The following LAMA2 variants were observed in gnomAD, a reference collection of about 807,000 sequenced individuals.
The protein encoded by LAMA2 is laminin subunit alpha 2, also known as laminin subunit alpha-2.
LAMA2 carries 269 observed loss-of-function variants against 364.8 expected under a neutral mutation model. The observed-to-expected ratio is 0.74, with a 90% confidence interval of 0.67 to 0.82. The LOEUF is 0.82. LAMA2 is among the 40% of genes least tolerant of loss of function. The probability of loss-of-function intolerance (pLI) is 0.00; values close to 1 mark genes in which losing one functional copy is unlikely to be tolerated. For missense variants in LAMA2, 3,807 were observed against 3,873.2 expected (o/e 0.98, Z 0.45); for synonymous variants, 1,379 against 1,370.6 (o/e 1.01, Z -0.14).
intron 40 of LAMA2, among the ~76,000 whole-genome samples, chr6:129,416,307 C>G (rs1780787209): frequency 1.3e-5 from 2 of 152,192 alleles, no homozygotes. Flanking sequence ...ACCAATCTCC[C>G]CCGGACAGTC....
chr6:129,052,708 T>C (rs1788166214), intron 2 of LAMA2, among the ~76,000 whole-genome samples: 1 of 152,226 alleles, frequency 6.6e-6, no homozygotes, highest in African/African-American at 2.4e-5. Flanking sequence ...GACAAACTTA[T>C]AATGATATAT....
intron 34 of LAMA2, among the ~76,000 whole-genome samples, chr6:129,373,174 G>GA (rs1465187636): frequency 6.6e-6 from 1 of 152,114 alleles, no homozygotes. Flanking sequence ...TCTCCTTGTT[G>GA]AGCCTTTGGT....
intron 3 of LAMA2, among the ~76,000 whole-genome samples, chr6:129,071,990 A>C (rs918698967): frequency 2.0e-5 from 3 of 151,992 alleles, no homozygotes; most frequent in African/African-American, 7.3e-5. Flanking sequence ...AAAACAAAAC[A>C]AAACCCCAAA....
At chr6:129,094,265 A>G (rs1775035626) in intron 3 of LAMA2, among the ~76,000 whole-genome samples, 1 of 152,244 alleles carries the variant, frequency 6.6e-6, no homozygotes, top group African/African-American at 2.4e-5. Flanking sequence ...TAAGAAGTCC[A>G]AAAGAAATTC....
chr6:129,361,810 A>C (rs1442187480), intron 32 of LAMA2, among the ~76,000 whole-genome samples: 2 of 112,524 alleles, frequency 1.8e-5, no homozygotes, highest in Non-Finnish European at 3.5e-5. Context: ...TTTGAGATGG[A>C]GTCTCACTCT....
At chr6:129,017,687 CAT>C (rs925784504) in intron 1 of LAMA2, among the ~76,000 whole-genome samples, 8 of 152,148 alleles carry the variant, frequency 5.3e-5, no homozygotes, top group African/African-American at 1.9e-4. Flanking sequence ...CTGATGATAA[CAT>C]GTGATAGGTG....
intron 12 of LAMA2, among the ~76,000 whole-genome samples, chr6:129,228,278 C>T (rs534378890): frequency 6.6e-5 from 10 of 152,246 alleles, no homozygotes; most frequent in African/African-American, 1.9e-4. Flanking sequence ...TTGTGCTTCC[C>T]GGGTGAGGTG....
chr6:129,157,627 G>A, intron 8 of LAMA2: 2 of 1,612,008 alleles, frequency 1.2e-6, no homozygotes, highest in Non-Finnish European at 1.7e-6. Context: ...TCTGACATTA[G>A]CTTCAAAACT....
At chr6:129,161,773 T>A (rs1163297969) in intron 8 of LAMA2, among the ~76,000 whole-genome samples, 1 of 152,200 alleles carries the variant, frequency 6.6e-6, no homozygotes, top group Non-Finnish European at 1.5e-5. Flanking sequence ...TATTCTTGCA[T>A]TAATTCACTT....
chr6:129,452,994 G>A lies in LAMA2; in HGVS notation c.6436G>A (p.Val2146Ile), dbSNP rs1340551316. Residue 2146 changes from valine (V) to isoleucine (I), a missense_variant, in exon 46 of 65, where the codon GTA becomes ATA. By Grantham distance (29) the Val-to-Ile change is conservative. This residue lies in a region of LAMA2 where 3,333 missense variants were observed against 3,345.7 expected (regional missense o/e 1.00). Transcript: ENST00000421865. ...QARKQANSIK[V>I]SVSSGGDCIR... The stretch of plus-strand genomic sequence containing the variant: ...TATCTTGTTTTTTTTAAAGATCAAA[G>A]TATCTGTGTCTTCAGGAGGTGACTG... The A allele has an allele frequency of 2.5e-6, 4 of 1,612,360 alleles. No homozygotes were observed. The Admixed American group carries it at 6.7e-5, about 27-fold the overall frequency.
intron 17 of LAMA2, 141 bp downstream of exon 17, chr6:129,270,892 AT>A (rs1477863315): frequency 1.1e-6 from 1 of 938,364 alleles, no homozygotes; most frequent in African/African-American, 1.7e-5. Context: ...AATTATATGA[AT>A]TTTTTCAAAC....
intron 1 of LAMA2, among the ~76,000 whole-genome samples, chr6:128,985,957 AC>A (rs1311534775): frequency 2.6e-5 from 4 of 152,164 alleles, no homozygotes; most frequent in Admixed American, 6.5e-5. Flanking sequence ...ACTCTTATTT[AC>A]CTACAGGTAG....
chr6:129,181,967 C>T (rs1231726354), intron 10 of LAMA2, among the ~76,000 whole-genome samples: 5 of 151,666 alleles, frequency 3.3e-5, no homozygotes, highest in African/African-American at 9.7e-5. Flanking sequence ...AGTCCAACTT[C>T]ATGGAAAGAA....
chr6:129,420,083 GTAAT>G (rs1428902416), intron 40 of LAMA2, among the ~76,000 whole-genome samples: 1 of 151,970 alleles, frequency 6.6e-6, no homozygotes, highest in African/African-American at 2.4e-5. Context: ...GTGCATACGA[GTAAT>G]TACTTTTGTA....
chr6:128,996,227 T>A (rs1299420474), intron 1 of LAMA2, among the ~76,000 whole-genome samples: 6 of 151,596 alleles, frequency 4.0e-5, no homozygotes, highest in Non-Finnish European at 8.8e-5. Flanking sequence ...TGAGAAAGAG[T>A]TTGGCATGTG....
intron 34 of LAMA2, among the ~76,000 whole-genome samples, chr6:129,380,230 A>G (rs564444278): frequency 2.4e-4 from 37 of 152,314 alleles, no homozygotes; most frequent in African/African-American, 8.9e-4. Flanking sequence ...GGATAAGTAG[A>G]GAAGAGTTAA....
chr6:129,289,856 A>AAAAG (rs1789571234), intron 19 of LAMA2, among the ~76,000 whole-genome samples: 4 of 152,162 alleles, frequency 2.6e-5, no homozygotes, highest in African/African-American at 9.6e-5. Context: ...GCTCTTTGCC[A>AAAAG]TATAATCACA....
chr6:129,445,840 C>T lies in LAMA2; in HGVS notation c.6429+19C>T, dbSNP rs1395465827. 6.3e-7 allele frequency: 1 copy of T among 1,599,114 alleles called. No individual in the cohort carries two copies. The highest frequency in any genetic ancestry group is 8.6e-7 in the Non-Finnish European group (1 of 1,166,858). On this transcript the variant is annotated intron_variant, in intron 45 of 64. Coordinates refer to ENST00000421865, the MANE Select transcript of LAMA2 (RefSeq NM_000426.4). ...CAATTCTGTAAGTTCTTTTTATCGT[C>T]AGTATCAGTAACTGATTGTAATTGT...
Position 128,926,269 on chromosome 6 carries a change from A to C in LAMA2, c.112+42912A>C, listed in dbSNP as rs78921902. On this transcript the variant is annotated intron_variant, in intron 1 of 64. Transcript: ENST00000421865. ...TGTTCTTGACTTCTTTTAAAAAAAAACTCTTTGGTCATGGTGGCAATAGAG... is the reference window on the plus strand; with the variant it reads ...TGTTCTTGACTTCTTTTAAAAAAAACCTCTTTGGTCATGGTGGCAATAGAG... Among the ~76,000 whole-genome samples, 12 of 151,552 alleles carry C rather than the reference A, an allele frequency of 7.9e-5. 1 individual carries two copies. Among genetic ancestry groups the C allele is most frequent in the African/African-American group, 2.2e-4 (9 of 41,280 alleles).
Sources: allele counts gnomAD v4.1 joint callset (sites outside exome capture counted in the v4.1 genomes callset), GRCh38; gene constraint gnomAD v4.1.1; regional missense constraint gnomAD v4.1.1; transcripts MANE v1.5; gene names NCBI Gene and HGNC (gene_info 2026-07-23, HGNC 2026-07-21).